Variants in CSNK1G1 observed in about 807,000 individuals in gnomAD.
CSNK1G1 encodes casein kinase I isoform gamma-1.
Under a neutral mutation model 59.6 loss-of-function variants are expected in CSNK1G1, and 22 were observed. The observed-to-expected ratio is 0.37, with a 90% CI of 0.26 to 0.53. The LOEUF (loss-of-function observed/expected upper bound fraction) is 0.53, where lower values mean the gene tolerates loss of function less well. CSNK1G1 is among the 20% of genes least tolerant of loss of function. The pLI is 0.89. For synonymous variants in CSNK1G1, 179 were observed against 177.1 expected (o/e 1.01, Z -0.08); for missense variants, 384 against 519.5 (o/e 0.74, Z 2.54).
At position 64,189,333 on chromosome 15, in the gene CSNK1G1, T is replaced by C; in HGVS notation, c.1108-8879A>G. On this transcript the variant is annotated intron_variant, in intron 10 of 11. Transcript: ENST00000303052. ...CACCTTAGTATCATTCAGGCTCTCC[T>C]TCTTTACCTGCTTTTTACATCTGCT... 3 of 1,193,092 alleles carry C rather than the reference T, an allele frequency of 2.5e-6. No individual in the cohort carries two copies. The South Asian group carries it at 4.8e-5, about 19-fold the overall frequency. 73.9% of individuals were successfully genotyped at this position (1,193,092 alleles called of 1,614,324 possible). A position where few individuals can be genotyped will look rare whatever the true frequency, so the allele number is the denominator to read the frequency against.
At chr15:64,318,080 G>A (rs1896368077) in intron 1 of CSNK1G1, among the ~76,000 whole-genome samples, 1 of 152,058 alleles carries the variant, frequency 6.6e-6, no homozygotes, top group Non-Finnish European at 1.5e-5. Flanking sequence ...CTTCCAGGTA[G>A]AAGTAAGCCA....
At chr15:64,215,027 C>T (rs1419178114) in intron 5 of CSNK1G1, among the ~76,000 whole-genome samples, 1 of 151,772 alleles carries the variant, frequency 6.6e-6, no homozygotes, top group Admixed American at 6.6e-5. Context: ...TCTCAAACTC[C>T]TGGCCTCAAG....
At chr15:64,336,884 G>A (rs1355052753) in intron 1 of CSNK1G1, among the ~76,000 whole-genome samples, 1 of 152,004 alleles carries the variant, frequency 6.6e-6, no homozygotes, top group East Asian at 1.9e-4. Flanking sequence ...TCTTTTTAAC[G>A]TATTATTTAC....
At chr15:64,264,217 G>A (rs1197496026) in intron 2 of CSNK1G1, among the ~76,000 whole-genome samples, 1 of 152,134 alleles carries the variant, frequency 6.6e-6, no homozygotes, top group African/African-American at 2.4e-5. Flanking sequence ...AATGGTGAAA[G>A]TTGTATTTTT....
At chr15:64,261,616 C>A (rs546548308) in intron 2 of CSNK1G1, among the ~76,000 whole-genome samples, 1,639 of 151,424 alleles carry the variant, frequency 0.011, 30 homozygotes, top group African/African-American at 0.031. Flanking sequence ...ACAACAACAA[C>A]AAAAAACAAA....
At chr15:64,308,622 C>T (rs1275228919) in intron 1 of CSNK1G1, among the ~76,000 whole-genome samples, 1 of 152,100 alleles carries the variant, frequency 6.6e-6, no homozygotes, top group Admixed American at 6.6e-5. Context: ...CCTGGCCAGG[C>T]GCGGTGGCTC....
At chr15:64,215,540 A>T (rs2082301675) in intron 5 of CSNK1G1, among the ~76,000 whole-genome samples, 1 of 152,200 alleles carries the variant, frequency 6.6e-6, no homozygotes, top group Non-Finnish European at 1.5e-5. Context: ...GTAGAGAAAG[A>T]GAAGCTCAGA....
chr15:64,281,913 A>G (rs894832774), intron 2 of CSNK1G1, among the ~76,000 whole-genome samples: 2 of 151,596 alleles, frequency 1.3e-5, no homozygotes, highest in African/African-American at 2.4e-5. Flanking sequence ...CAAATTTTAT[A>G]ATTTTATGGA....
chr15:64,317,221 C>T lies in CSNK1G1; in HGVS notation c.-224-16498G>A, dbSNP rs183772531. ...TTCCTGCTTCAGCCTCCTATGTAGC[C>T]GGGATTACAGGTGTGCGCCACTACG... On this transcript the variant is annotated intron_variant, in intron 1 of 11. Coordinates refer to ENST00000303052, the MANE Select transcript of CSNK1G1 (RefSeq NM_022048.5). 4.9e-4 allele frequency among the ~76,000 whole-genome samples: 75 copies of T among 152,082 alleles called. 1 individual carries two copies. The East Asian group carries it at 0.012, about 24-fold the overall frequency.
chr15:64,273,444 T>A (rs750843790), intron 2 of CSNK1G1, among the ~76,000 whole-genome samples: 1 of 152,222 alleles, frequency 6.6e-6, no homozygotes, highest in Non-Finnish European at 1.5e-5. Flanking sequence ...AGAATATGTG[T>A]AAATATTTTG....
intron 4 of CSNK1G1, among the ~76,000 whole-genome samples, chr15:64,247,437 C>G (rs1232224258): frequency 6.6e-6 from 1 of 152,140 alleles, no homozygotes; most frequent in Admixed American, 6.5e-5. Flanking sequence ...GTCCCCTTTA[C>G]TTTCTTCCCT....
intron 10 of CSNK1G1, among the ~76,000 whole-genome samples, chr15:64,194,504 T>C (rs911602180): frequency 4.7e-4 from 68 of 145,760 alleles, no homozygotes; most frequent in South Asian, 5.0e-4. Flanking sequence ...TTTCTCTTCT[T>C]TTCTTTTCTT....
intron 1 of CSNK1G1, among the ~76,000 whole-genome samples, chr15:64,344,529 C>G (rs959593623): frequency 6.6e-6 from 1 of 152,096 alleles, no homozygotes; most frequent in Non-Finnish European, 1.5e-5. Context: ...CTATCTGGAA[C>G]GTGAAACATA....
chr15:64,213,810 G>C (rs2082277571), intron 6 of CSNK1G1, 80 bp downstream of exon 6: 1 of 964,704 alleles, frequency 1.0e-6, no homozygotes, highest in African/African-American at 1.6e-5. Context: ...AAGTTGTAAT[G>C]CACAATGGGG....
intron 1 of CSNK1G1, among the ~76,000 whole-genome samples, chr15:64,333,432 T>C (rs1251340659): frequency 2.3e-3 from 1 of 432 alleles, no homozygotes; most frequent in Admixed American, 0.12. Flanking sequence ...AGACACCATC[T>C]CAAAAAAAAA....
At chr15:64,219,486 T>A (rs1596112272) in intron 4 of CSNK1G1, among the ~76,000 whole-genome samples, 1 of 152,204 alleles carries the variant, frequency 6.6e-6, no homozygotes, top group Non-Finnish European at 1.5e-5. Flanking sequence ...TGAGACAGTG[T>A]CTCACTGTGT....
intron 6 of CSNK1G1, among the ~76,000 whole-genome samples, chr15:64,208,612 C>CA (rs1454058915): frequency 1.3e-5 from 2 of 152,182 alleles, no homozygotes; most frequent in African/African-American, 4.8e-5. Context: ...TGGCTCACTG[C>CA]AGCCTCAAAT....
intron 11 of CSNK1G1, among the ~76,000 whole-genome samples, chr15:64,173,380 G>C (rs2081698957): frequency 6.6e-6 from 1 of 152,110 alleles, no homozygotes; most frequent in African/African-American, 2.4e-5. Context: ...TTAGAAATAG[G>C]ACTTTCTTAA....
chr15:64,224,547 T>C (rs2082431836), intron 4 of CSNK1G1, among the ~76,000 whole-genome samples: 2 of 152,332 alleles, frequency 1.3e-5, no homozygotes, highest in African/African-American at 2.4e-5. Context: ...ATCCCTCTCA[T>C]GTCTCTGACT....
Sources: gnomAD v4.1 joint callset for allele counts (sites outside exome capture counted in the v4.1 genomes callset) on GRCh38, gnomAD v4.1.1 for gene constraint, MANE v1.5 for transcripts, NCBI Gene and HGNC (gene_info 2026-07-23, HGNC 2026-07-21) for gene names.